STMN2: variants seen among roughly 807,000 people sequenced by gnomAD.
STMN2 encodes stathmin-2.
In STMN2, 2 loss-of-function variants were observed where a neutral mutation model predicts 24.1. That is an observed-to-expected ratio of 0.08 (90% CI 0.03 to 0.26). STMN2 has a LOEUF of 0.26. Among genes scored for constraint, STMN2 ranks in the 10% least tolerant of loss-of-function variants. The pLI, the probability that STMN2 is intolerant of heterozygous loss-of-function variation, is 1.00. For missense variants in STMN2, 114 were observed against 213.6 expected (o/e 0.53, Z 2.91); for synonymous variants, 83 against 77.5 (o/e 1.07, Z -0.37).
chr8:79,621,408 C>A (rs75526058), intron 1 of STMN2, among the ~76,000 whole-genome samples: 3,511 of 152,218 alleles, frequency 0.023, 135 homozygotes, highest in African/African-American at 0.08. Context: ...TCAAAAACTG[C>A]GTCATTTGCT....
At chr8:79,658,962 G>C (rs1345027064) in intron 4 of STMN2, among the ~76,000 whole-genome samples, 3 of 152,178 alleles carry the variant, frequency 2.0e-5, no homozygotes, top group Non-Finnish European at 4.4e-5. Context: ...TATTTTAAAG[G>C]CTCACTAGTA....
intron 3 of STMN2, among the ~76,000 whole-genome samples, chr8:79,643,307 C>T (rs1810152457): frequency 6.6e-6 from 1 of 150,744 alleles, no homozygotes; most frequent in South Asian, 2.1e-4. Flanking sequence ...TAGCTTTATT[C>T]TCATAGTAAA....
intron 1 of STMN2, among the ~76,000 whole-genome samples, chr8:79,633,348 G>A (rs949563403): frequency 6.6e-6 from 1 of 152,156 alleles, no homozygotes; most frequent in African/African-American, 2.4e-5. Context: ...TAACAGTAAA[G>A]ATAAAAATGC....
chr8:79,656,686 G>C (rs1806376956), intron 4 of STMN2, among the ~76,000 whole-genome samples: 1 of 152,126 alleles, frequency 6.6e-6, no homozygotes, highest in African/African-American at 2.4e-5. Flanking sequence ...TGAGATCACT[G>C]TGACTCAACC....
chr8:79,611,780 C>A, intron 1 of STMN2: 1 of 946,908 alleles, frequency 1.1e-6, no homozygotes, highest in Non-Finnish European at 1.2e-6. Flanking sequence ...TCCTGGGGTG[C>A]GGTGCAGGGA....
rs1217681084 is a variant in STMN2 at position 79,611,151 on chromosome 8, G to A, written c.-45G>A. The A allele has an allele frequency of 6.2e-7, 1 of 1,613,536 alleles. No homozygotes were observed. The highest frequency in any genetic ancestry group is 8.5e-7 in the Non-Finnish European group (1 of 1,179,856). On this transcript the variant is annotated 5_prime_UTR_variant, in exon 1 of 5. Transcript: ENST00000220876. ...TCTCGCTCTCTCCGCTGCTGTAGCC[G>A]GACCCTTTGCCTTCGCCACTGCTCA...
chr8:79,631,365 TTTGG>T, intron 1 of STMN2: 1 of 892,616 alleles, frequency 1.1e-6, no homozygotes, highest in Non-Finnish European at 1.3e-6. Flanking sequence ...ACTATAATGC[TTTGG>T]TTGGTCAAAA....
chr8:79,615,189 T>C (rs774492541), intron 1 of STMN2, among the ~76,000 whole-genome samples: 3 of 152,240 alleles, frequency 2.0e-5, no homozygotes, highest in African/African-American at 7.2e-5. Flanking sequence ...GACTTTGTCA[T>C]TGATAAATTC....
At chr8:79,640,035 AC>A (rs1810058189) in intron 2 of STMN2, among the ~76,000 whole-genome samples, 1 of 152,178 alleles carries the variant, frequency 6.6e-6, no homozygotes, top group Non-Finnish European at 1.5e-5. Flanking sequence ...CCTTGCCTCT[AC>A]TAAAAATAGA....
intron 3 of STMN2, among the ~76,000 whole-genome samples, chr8:79,642,966 A>G (rs1299034907): frequency 2.7e-5 from 4 of 148,506 alleles, no homozygotes; most frequent in African/African-American, 9.8e-5. Context: ...CTATCTCTAT[A>G]TATTACATAT....
chr8:79,622,100 C>T (rs72675019), intron 1 of STMN2, among the ~76,000 whole-genome samples: 13,044 of 152,112 alleles, frequency 0.086, 750 homozygotes, highest in Non-Finnish European at 0.13. Flanking sequence ...TAAGAGAGAG[C>T]ATGGATTAGA....
chr8:79,641,096 T>C lies in STMN2; in HGVS notation c.116-282T>C, dbSNP rs544283847. ...AGCTTAATTTAAAATCAATTTAGGC[T>C]ATTTTTATCTAAGTATGCTTACCGT... is the stretch of plus-strand genomic sequence containing the variant. On this transcript the variant is annotated intron_variant, in intron 2 of 4. Coordinates refer to ENST00000220876, the MANE Select transcript of STMN2 (RefSeq NM_007029.4). Among the ~76,000 whole-genome samples, 5 of 152,336 alleles carry C rather than the reference T, an allele frequency of 3.3e-5. No homozygotes were observed. In the East Asian group the frequency reaches 9.6e-4, roughly 29 times the overall value.
chr8:79,612,408 T>C (rs961935092), intron 1 of STMN2, among the ~76,000 whole-genome samples: 1 of 152,224 alleles, frequency 6.6e-6, no homozygotes, highest in Non-Finnish European at 1.5e-5. Context: ...GACATGTGTA[T>C]GTATAATAAT....
chr8:79,645,913 A>G (rs1810207310), intron 3 of STMN2, among the ~76,000 whole-genome samples: 1 of 152,094 alleles, frequency 6.6e-6, no homozygotes, highest in Admixed American at 6.6e-5. Context: ...ATTTAACCCT[A>G]TGTCTTCTAC....
At chr8:79,661,984 G>A (rs1806512138) in intron 4 of STMN2, among the ~76,000 whole-genome samples, 1 of 152,046 alleles carries the variant, frequency 6.6e-6, no homozygotes, top group Non-Finnish European at 1.5e-5. Context: ...TCCATAGATG[G>A]AATTGACATC....
chr8:79,644,949 G>C (rs887872634), intron 3 of STMN2, among the ~76,000 whole-genome samples: 13 of 152,180 alleles, frequency 8.5e-5, no homozygotes, highest in Admixed American at 2.6e-4. Context: ...GAGATCAGGA[G>C]TTCAAGACCA....
At chr8:79,613,897 C>T (rs1809313855) in intron 1 of STMN2, 2 of 900,784 alleles carry the variant, frequency 2.2e-6, no homozygotes, top group South Asian at 1.0e-4. Context: ...CCAACGATTG[C>T]TGGAAAATTC....
chr8:79,631,891 T>G (rs369269719), intron 1 of STMN2, among the ~76,000 whole-genome samples: 5 of 152,192 alleles, frequency 3.3e-5, no homozygotes, highest in African/African-American at 1.2e-4. Flanking sequence ...TATTTCCTTA[T>G]GAAAAGAAAA....
rs116362944 is a variant in STMN2, at chr8:79,611,121, T to C, written c.-75T>C. 3.9e-4 allele frequency: 623 copies of C among 1,601,920 alleles called. 1 individual carries two copies. In the African/African-American group the frequency reaches 7.2e-3, roughly 18 times the overall value. On this transcript the variant is annotated 5_prime_UTR_variant, in exon 1 of 5. Transcript: ENST00000220876. ...TGCAGACTCAGTGCCTTATTCAGTC[T>C]TCTCTCTCGCTCTCTCCGCTGCTGT... is the stretch of plus-strand genomic sequence containing the variant.
Sources: allele counts gnomAD v4.1 joint callset (sites outside exome capture counted in the v4.1 genomes callset), GRCh38; gene constraint gnomAD v4.1.1; transcripts MANE v1.5; gene names NCBI Gene and HGNC (gene_info 2026-07-23, HGNC 2026-07-21).